LDLRAD4: variants seen among roughly 807,000 people sequenced by gnomAD.
The protein encoded by LDLRAD4 is low density lipoprotein receptor class A domain containing 4, also known as low-density lipoprotein receptor class A domain-containing protein 4.
A neutral mutation model predicts 17.0 loss-of-function variants in LDLRAD4; 5 were observed. That is an observed-to-expected ratio of 0.29 (90% CI 0.15 to 0.62). The LOEUF is 0.62. Among genes scored for constraint, LDLRAD4 ranks in the 20% least tolerant of loss-of-function variants. The probability of loss-of-function intolerance (pLI) is 0.84; values close to 1 mark genes in which losing one functional copy is unlikely to be tolerated. For synonymous variants in LDLRAD4, 168 were observed against 171.8 expected, an observed-to-expected ratio of 0.98 and a Z score of 0.17; for missense variants, 340 against 424.7, an observed-to-expected ratio of 0.80 and a Z score of 1.75.
chr18:13,389,869 CCT>C (rs1256266317), intron 2 of LDLRAD4, among the ~76,000 whole-genome samples: 1 of 152,176 alleles, frequency 6.6e-6, no homozygotes, highest in Non-Finnish European at 1.5e-5. Flanking sequence ...TAGGACAGTA[CCT>C]CTCACATATT....
rs144548955 is a variant in LDLRAD4, at chr18:13,603,184, C to G, written c.182-17933C>G. Among the ~76,000 whole-genome samples the G allele has an allele frequency of 2.0e-3, 300 of 152,204 alleles. 7 individuals are homozygous for G. In the South Asian group the frequency reaches 0.032, roughly 16 times the overall value. On this transcript the variant is annotated intron_variant, in intron 3 of 5. Coordinates refer to ENST00000359446, the Ensembl canonical transcript of LDLRAD4. ...CTTAAATTTCCAGAACACAGGTTTA[C>G]TTTAACATAAAGGAAAATTGCCTGG...
At chr18:13,484,918 C>T (rs1009049206) in intron 3 of LDLRAD4, among the ~76,000 whole-genome samples, 13 of 152,316 alleles carry the variant, frequency 8.5e-5, no homozygotes, top group African/African-American at 3.1e-4. Context: ...ACATGGTAGA[C>T]GATCACTCTA....
chr18:13,452,483 C>T (rs569086501), intron 3 of LDLRAD4, among the ~76,000 whole-genome samples: 12 of 152,148 alleles, frequency 7.9e-5, no homozygotes, highest in Middle Eastern at 6.8e-3. Context: ...AGGGTAGGAT[C>T]GAGCCTAGAG....
chr18:13,376,561 G>A (rs1235996520), intron 1 of LDLRAD4, among the ~76,000 whole-genome samples: 2 of 152,144 alleles, frequency 1.3e-5, no homozygotes, highest in African/African-American at 2.4e-5. Context: ...GTATACACAG[G>A]GGCTTCTTCT....
chr18:13,286,866 G>A (rs147291030), intron 1 of LDLRAD4, among the ~76,000 whole-genome samples: 46 of 152,288 alleles, frequency 3.0e-4, no homozygotes, highest in African/African-American at 6.7e-4. Context: ...TCCGTGCGCC[G>A]ATTGTGTTGG....
chr18:13,271,976 ACCTCCG>A (rs1257614442), intron 1 of LDLRAD4, among the ~76,000 whole-genome samples: 1 of 143,134 alleles, frequency 7.0e-6, no homozygotes, highest in Non-Finnish European at 1.5e-5. Context: ...GCTCACTTCA[ACCTCCG>A]CCTCCCAAGT....
At chr18:13,444,909 C>T (rs993015847) in intron 3 of LDLRAD4, among the ~76,000 whole-genome samples, 1 of 152,208 alleles carries the variant, frequency 6.6e-6, no homozygotes, top group African/African-American at 2.4e-5. Flanking sequence ...GTGATGCTGG[C>T]AGCCTGCATG....
intron 1 of LDLRAD4, among the ~76,000 whole-genome samples, chr18:13,335,184 T>C (rs1466686214): frequency 6.6e-6 from 1 of 152,218 alleles, no homozygotes; most frequent in Non-Finnish European, 1.5e-5. Context: ...AGTAACCTTT[T>C]TGATTATAAC....
chr18:13,224,227 C>A (rs1044731783), intron 1 of LDLRAD4, among the ~76,000 whole-genome samples: 4 of 152,204 alleles, frequency 2.6e-5, no homozygotes, highest in Admixed American at 2.0e-4. Context: ...AAAGACAAAG[C>A]AACAGTCAGC....
chr18:13,539,829 A>G (rs948566088), intron 3 of LDLRAD4, among the ~76,000 whole-genome samples: 8 of 152,362 alleles, frequency 5.3e-5, no homozygotes, highest in African/African-American at 9.6e-5. Flanking sequence ...AAAGAAACCC[A>G]TAGTGCATAA....
chr18:13,596,368 G>A (rs1174428826), intron 3 of LDLRAD4, among the ~76,000 whole-genome samples: 1 of 152,104 alleles, frequency 6.6e-6, no homozygotes, highest in Non-Finnish European at 1.5e-5. Flanking sequence ...TCTTATTGAT[G>A]TAGTTTGATT....
intron 1 of LDLRAD4, among the ~76,000 whole-genome samples, chr18:13,384,314 G>A (rs1255801427): frequency 6.6e-6 from 1 of 152,064 alleles, no homozygotes; most frequent in African/African-American, 2.4e-5. Context: ...GCATATATGT[G>A]GGGTACAATG....
At position 13,421,984 on chromosome 18, in the gene LDLRAD4, T is replaced by A. The variant is rs562895724; in HGVS notation, c.41-16260T>A. On this transcript the variant is annotated intron_variant, in intron 2 of 5. Transcript: ENST00000359446. Reference sequence around the variant, plus strand: ...CTCCTACTGAAGGGCTACCCCATGCTTCTGATGCTCATTACACACCAGTTA... The same window carrying A: ...CTCCTACTGAAGGGCTACCCCATGCATCTGATGCTCATTACACACCAGTTA... Among the ~76,000 whole-genome samples the A allele has an allele frequency of 3.9e-5, 6 of 152,360 alleles. No individual in the cohort carries two copies. In the South Asian group the frequency reaches 1.2e-3, roughly 32 times the overall value.
intron 3 of LDLRAD4, chr18:13,611,817 T>C (rs1371357978): frequency 2.0e-6 from 2 of 985,570 alleles, no homozygotes; most frequent in Non-Finnish European, 2.4e-6. Context: ...GCGCAGTGTT[T>C]CCTGCTGCGG....
intron 3 of LDLRAD4, among the ~76,000 whole-genome samples, chr18:13,586,160 C>A (rs2094930074): frequency 6.6e-6 from 1 of 151,962 alleles, no homozygotes; most frequent in Non-Finnish European, 1.5e-5. Flanking sequence ...TGTAACCCAG[C>A]ATTTTGGGAG....
chr18:13,619,141 A>G (rs2040353347), intron 3 of LDLRAD4, among the ~76,000 whole-genome samples: 1 of 152,126 alleles, frequency 6.6e-6, no homozygotes, highest in African/African-American at 2.4e-5. Context: ...TGTACCAGTT[A>G]AGCCACTTAG....
At chr18:13,499,575 G>A (rs977035314) in intron 3 of LDLRAD4, among the ~76,000 whole-genome samples, 1 of 150,510 alleles carries the variant, frequency 6.6e-6, no homozygotes, top group African/African-American at 2.5e-5. Context: ...GGACACTGGA[G>A]AATCCTTCTC....
intron 2 of LDLRAD4, among the ~76,000 whole-genome samples, chr18:13,425,385 G>A (rs1203035271): frequency 6.6e-6 from 1 of 152,140 alleles, no homozygotes; most frequent in Non-Finnish European, 1.5e-5. Flanking sequence ...AAGCTTCTGG[G>A]TTACATTTGT....
chr18:13,228,073 C>T (rs1029213204), intron 1 of LDLRAD4, among the ~76,000 whole-genome samples: 1 of 152,220 alleles, frequency 6.6e-6, no homozygotes, highest in African/African-American at 2.4e-5. Context: ...GGGTCCTTCT[C>T]AGCTCTGCTT....
Sources: allele counts gnomAD v4.1 joint callset (sites outside exome capture counted in the v4.1 genomes callset), GRCh38; gene constraint gnomAD v4.1.1; transcripts MANE v1.5; gene names NCBI Gene and HGNC (gene_info 2026-07-23, HGNC 2026-07-21).